Variants in JAKMIP1 observed in about 807,000 individuals in gnomAD.
JAKMIP1 encodes janus kinase and microtubule-interacting protein 1.
In JAKMIP1, 33 loss-of-function variants were observed where a neutral mutation model predicts 113.0. That is an observed-to-expected ratio of 0.29 (90% CI 0.22 to 0.39). The LOEUF (loss-of-function observed/expected upper bound fraction) is 0.39, where lower values mean the gene tolerates loss of function less well. Among genes scored for constraint, JAKMIP1 ranks in the 10% least tolerant of loss-of-function variants. JAKMIP1 has a pLI of 1.00. For missense variants in JAKMIP1, 813 were observed against 1,080.5 expected (o/e 0.75, Z 3.47); for synonymous variants, 480 against 459.9 (o/e 1.04, Z -0.56).
rs553976053 is a variant in JAKMIP1 at position 6,098,207 on chromosome 4, G to T, written c.624+7266C>A. On this transcript the variant is annotated intron_variant, in intron 3 of 20. Transcript: ENST00000409021. ...GCACTTCGGGATGCCAAGACAGGTG[G>T]ATCACCTGAGGTCAGGAGTTCGAGA... is the stretch of plus-strand genomic sequence containing the variant. 3.9e-5 allele frequency among the ~76,000 whole-genome samples: 6 copies of T among 152,248 alleles called. No homozygotes were observed. The South Asian group carries it at 6.2e-4, about 16-fold the overall frequency.
Position 6,065,112 on chromosome 4 carries a change from T to C in JAKMIP1, c.1303-104A>G. The C allele has an allele frequency of 1.4e-6, 2 of 1,401,954 alleles. No homozygotes were observed. The highest frequency in any genetic ancestry group is 2.0e-6 in the Non-Finnish European group (2 of 1,003,092). 86.8% of individuals were successfully genotyped at this position (1,401,954 alleles called of 1,614,324 possible). ...AGTGCAGGGGGGTGATGATTGACAT[T>C]TGGGCCACTGGGGCATCACAAGATG... On this transcript the variant is annotated intron_variant, in intron 8 of 20. Transcript: ENST00000409021. The surrounding 1 kb of genome is among the most constrained non-coding windows in gnomAD (Gnocchi z 5.1).
At chr4:6,082,027 A>G (rs1318504024) in intron 5 of JAKMIP1, among the ~76,000 whole-genome samples, 1 of 152,194 alleles carries the variant, frequency 6.6e-6, no homozygotes, top group Non-Finnish European at 1.5e-5. Context: ...ATTTTCATGG[A>G]AAGAATTAGA....
At chr4:6,043,173 G>C (rs943065953) in intron 16 of JAKMIP1, among the ~76,000 whole-genome samples, 2 of 152,020 alleles carry the variant, frequency 1.3e-5, no homozygotes, top group African/African-American at 4.8e-5. Context: ...CCCACTGCCA[G>C]GCCCCAGCTG....
intron 1 of JAKMIP1, among the ~76,000 whole-genome samples, chr4:6,159,861 TA>T (rs1316666057): frequency 1.3e-5 from 2 of 152,142 alleles, no homozygotes; most frequent in Non-Finnish European, 2.9e-5. Flanking sequence ...ACTGGTTAAA[TA>T]AATCATAGTA....
intron 1 of JAKMIP1, among the ~76,000 whole-genome samples, chr4:6,152,383 A>G (rs73795762): frequency 0.063 from 9,541 of 151,934 alleles, 475 homozygotes; most frequent in Admixed American, 0.15. Context: ...AGCTCCTAGA[A>G]CCGCCCTCAC....
At chr4:6,060,545 C>T (rs1448436122) in intron 10 of JAKMIP1, 38 bp from the exon 11 acceptor site, 1 of 1,457,220 alleles carries the variant, frequency 6.9e-7, no homozygotes, top group East Asian at 2.3e-5. Flanking sequence ...CAGGTCACCT[C>T]CAATGGGTGA....
rs1725841186 is a variant in JAKMIP1 at position 6,180,070 on chromosome 4, A to G, written c.-148+20183T>C. ...CAGGCTCCTTCCTGCACAACAAGCC[A>G]TGACCCTCTTAGAACAAAGCATATT... On this transcript the variant is annotated intron_variant, in intron 1 of 20. Coordinates refer to ENST00000409021, the MANE Select transcript of JAKMIP1 (RefSeq NM_001099433.2). This position sits in a 1 kb window ranked among gnomAD's most constrained non-coding sequence, Gnocchi z 4.5. Among the ~76,000 whole-genome samples the G allele has an allele frequency of 6.6e-6, 1 of 152,220 alleles. No individual in the cohort carries two copies. The highest frequency in any genetic ancestry group is 2.4e-5 in the African/African-American group (1 of 41,464).
At position 6,178,943 on chromosome 4, in the gene JAKMIP1, G is replaced by A. The variant is rs144849330; in HGVS notation, c.-148+21310C>T. Among the ~76,000 whole-genome samples, 74 of 152,260 alleles carry A rather than the reference G, an allele frequency of 4.9e-4. 2 individuals are homozygous for A. Among genetic ancestry groups the A allele is most frequent in the South Asian group, 3.9e-3 (19 of 4,818 alleles). On this transcript the variant is annotated intron_variant, in intron 1 of 20. Transcript: ENST00000409021. This position sits in a 1 kb window ranked among gnomAD's most constrained non-coding sequence, Gnocchi z 5.5. ...AGTGCCTGGCTCGGAGAGCACACTC[G>A]GTCATTCATTTATGAATTGTTTCTC...
intron 20 of JAKMIP1, among the ~76,000 whole-genome samples, chr4:6,028,362 G>A (rs149358247): frequency 7.9e-5 from 12 of 152,308 alleles, no homozygotes; most frequent in South Asian, 2.1e-4. Context: ...CCCTGCCCCC[G>A]CCCCTGCGCA....
chr4:6,098,690 A>AAGAGAG, intron 3 of JAKMIP1, among the ~76,000 whole-genome samples: 3 of 7,486 alleles, frequency 4.0e-4, no homozygotes, highest in Non-Finnish European at 1.2e-3. Flanking sequence ...GAAAGAAAGA[A>AAGAGAG]AGAAAGAAAG....
intron 1 of JAKMIP1, among the ~76,000 whole-genome samples, chr4:6,122,991 C>A (rs904751005): frequency 6.6e-6 from 1 of 152,152 alleles, no homozygotes; most frequent in African/African-American, 2.4e-5. Flanking sequence ...AATAAGGACT[C>A]GGTAACAGTT....
Position 6,098,155 on chromosome 4 carries a change from G to T in JAKMIP1, c.624+7318C>A, listed in dbSNP as rs143066162. Among the ~76,000 whole-genome samples, 2 of 152,204 alleles carry T rather than the reference G, an allele frequency of 1.3e-5. 1 individual carries two copies. The highest frequency in any genetic ancestry group is 1.3e-4 in the Admixed American group (2 of 15,280). On this transcript the variant is annotated intron_variant, in intron 3 of 20. Coordinates refer to ENST00000409021, the MANE Select transcript of JAKMIP1 (RefSeq NM_001099433.2). ...TCAGAAAAGAAACATTCCTCGTCGCGTGCGGTGGCTCACGCCTGTAATCCC... is the reference window on the plus strand; with the variant it reads ...TCAGAAAAGAAACATTCCTCGTCGCTTGCGGTGGCTCACGCCTGTAATCCC...
chr4:6,183,205 G>A lies in JAKMIP1; in HGVS notation c.-148+17048C>T, dbSNP rs1487612643. On this transcript the variant is annotated intron_variant, in intron 1 of 20. Transcript: ENST00000409021. The surrounding 1 kb of genome is among the most constrained non-coding windows in gnomAD (Gnocchi z 5.3). Reference sequence around the variant, plus strand: ...TGTCTAAAATGGAACAGGGCCAGGTGCAGTGGCTCACGCCTGTAATTCCAG... The same window carrying A: ...TGTCTAAAATGGAACAGGGCCAGGTACAGTGGCTCACGCCTGTAATTCCAG... 6.6e-6 allele frequency among the ~76,000 whole-genome samples: 1 copy of A among 152,208 alleles called. No individual in the cohort carries two copies. Among genetic ancestry groups the A allele is most frequent in the Admixed American group, 6.5e-5 (1 of 15,282 alleles).
chr4:6,028,528 C>A (rs1296812068), intron 20 of JAKMIP1, among the ~76,000 whole-genome samples: 1 of 152,232 alleles, frequency 6.6e-6, no homozygotes, highest in Non-Finnish European at 1.5e-5. Flanking sequence ...TCTCTCTGGG[C>A]ACATGGTTTG....
intron 20 of JAKMIP1, among the ~76,000 whole-genome samples, chr4:6,027,659 G>C (rs1338759565): frequency 6.6e-6 from 1 of 152,282 alleles, no homozygotes; most frequent in Middle Eastern, 3.4e-3. Flanking sequence ...GCCAGCTTCC[G>C]CAACTCCCTT....
At chr4:6,034,954 CTG>C (rs1713208801) in intron 19 of JAKMIP1, among the ~76,000 whole-genome samples, 1 of 152,166 alleles carries the variant, frequency 6.6e-6, no homozygotes. Flanking sequence ...GAGAAAAAGA[CTG>C]AGCTCCCCGA....
chr4:6,053,936 C>G, intron 13 of JAKMIP1, 114 bp downstream of exon 13: 2 of 1,562,494 alleles, frequency 1.3e-6, no homozygotes, highest in East Asian at 4.5e-5. Flanking sequence ...GAAACTATAA[C>G]ATGTCCCCTT....
intron 20 of JAKMIP1, among the ~76,000 whole-genome samples, chr4:6,026,801 C>T (rs1208669701): frequency 2.6e-5 from 4 of 152,134 alleles, no homozygotes; most frequent in Admixed American, 6.5e-5. Context: ...ATGTGGCCCA[C>T]GGCAGCTTTG....
chr4:6,157,113 T>C lies in JAKMIP1; in HGVS notation c.-148+43140A>G, dbSNP rs112078714. 1.5e-3 allele frequency among the ~76,000 whole-genome samples: 226 copies of C among 152,208 alleles called. 7 individuals are homozygous for C. Among genetic ancestry groups the C allele is most frequent in the Non-Finnish European group, 4.4e-4 (30 of 68,036 alleles). ...TCAGCCCCCTTCTCAGCTCTCTCTC[T>C]GGAACTCTCTTGCCCTGCTGCCTTC... is the stretch of plus-strand genomic sequence containing the variant. On this transcript the variant is annotated intron_variant, in intron 1 of 20. Coordinates refer to ENST00000409021, the MANE Select transcript of JAKMIP1 (RefSeq NM_001099433.2). This position sits in a 1 kb window ranked among gnomAD's most constrained non-coding sequence, Gnocchi z 4.7.
Sources: allele counts gnomAD v4.1 joint callset (sites outside exome capture counted in the v4.1 genomes callset), GRCh38; gene constraint gnomAD v4.1.1; non-coding constraint Gnocchi (gnomAD v3.1); transcripts MANE v1.5; gene names NCBI Gene and HGNC (gene_info 2026-07-23, HGNC 2026-07-21).